The following SLC44A1 variants were observed in gnomAD, a reference collection of about 807,000 sequenced individuals.
SLC44A1 encodes choline transporter-like protein 1.
A neutral mutation model predicts 79.3 loss-of-function variants in SLC44A1; 26 were observed. The ratio of observed to expected loss-of-function variants is 0.33; its 90% CI spans 0.24 to 0.46. SLC44A1 has a LOEUF of 0.46. SLC44A1 is among the 20% of genes least tolerant of loss of function. The pLI is 1.00. For missense variants in SLC44A1, 688 were observed against 798.1 expected (o/e 0.86, Z 1.66); for synonymous variants, 263 against 286.2 (o/e 0.92, Z 0.82).
chr9:105,310,674 T>C (rs1446645567), intron 3 of SLC44A1, among the ~76,000 whole-genome samples: 1 of 152,224 alleles, frequency 6.6e-6, no homozygotes, highest in African/African-American at 2.4e-5. Context: ...ATAGGTCTAT[T>C]ATAAAGCATT....
At chr9:105,412,823 C>T (rs1254340883) in intron 15 of SLC44A1, among the ~76,000 whole-genome samples, 1 of 152,058 alleles carries the variant, frequency 6.6e-6, no homozygotes, top group Non-Finnish European at 1.5e-5. Context: ...AGGCTGATCT[C>T]GAACTCCTGC....
intron 15 of SLC44A1, among the ~76,000 whole-genome samples, chr9:105,404,957 A>G (rs1019616235): frequency 6.6e-6 from 1 of 152,188 alleles, no homozygotes. Flanking sequence ...AGTACCTACT[A>G]CGTGTTAGAA....
At chr9:105,293,737 T>G (rs1315637818) in intron 1 of SLC44A1, among the ~76,000 whole-genome samples, 1 of 152,218 alleles carries the variant, frequency 6.6e-6, no homozygotes. Context: ...GCAAATACAT[T>G]TATTCAACAA....
chr9:105,255,861 A>T (rs1408386267), intron 1 of SLC44A1, among the ~76,000 whole-genome samples: 2 of 152,234 alleles, frequency 1.3e-5, no homozygotes, highest in African/African-American at 4.8e-5. Context: ...AACTTGCCTC[A>T]GATACTTTTA....
At chr9:105,421,876 C>T (rs1029234400) in intron 15 of SLC44A1, among the ~76,000 whole-genome samples, 2 of 152,162 alleles carry the variant, frequency 1.3e-5, no homozygotes, top group Admixed American at 6.5e-5. Context: ...CGTGAGCCAC[C>T]GCGCCCAGCC....
In SLC44A1 at chr9:105,389,711, G is replaced by C; in HGVS notation, c.*655G>C. 5 of 1,270,804 alleles carry C rather than the reference G, an allele frequency of 3.9e-6. No individual in the cohort carries two copies. The highest frequency in any genetic ancestry group is 3.0e-4 in the Middle Eastern group (1 of 3,356). The allele number at this position is 1,270,804 out of a possible 1,614,324, so 78.7% of individuals were successfully genotyped here. On this transcript the variant is annotated 3_prime_UTR_variant, in exon 16 of 16. Coordinates refer to ENST00000374720, the MANE Select transcript of SLC44A1 (RefSeq NM_080546.5). ...TCAGGTATTTGTAGTTTACCCTAACGCTTCTTTAAAAGAAAGTAGGTAAAA... is the reference window on the plus strand; with the variant it reads ...TCAGGTATTTGTAGTTTACCCTAACCCTTCTTTAAAAGAAAGTAGGTAAAA...
intron 12 of SLC44A1, among the ~76,000 whole-genome samples, chr9:105,371,721 A>AC (rs71364087): frequency 2.1e-4 from 4 of 18,922 alleles, no homozygotes; most frequent in South Asian, 1.6e-3. Context: ...TCCATCTCAC[A>AC]AAAAAAAAAA....
At chr9:105,246,392 G>GT (rs1829450422) in intron 1 of SLC44A1, among the ~76,000 whole-genome samples, 1 of 135,850 alleles carries the variant, frequency 7.4e-6, no homozygotes, top group Non-Finnish European at 1.6e-5. Context: ...TTTTTTTTGA[G>GT]TGTTTGCTTA....
chr9:105,430,218 C>A (rs1490210879), intron 15 of SLC44A1, among the ~76,000 whole-genome samples: 1 of 152,184 alleles, frequency 6.6e-6, no homozygotes, highest in Non-Finnish European at 1.5e-5. Context: ...TGATGTGGAG[C>A]TCAATCATCT....
chr9:105,325,963 A>G (rs896396520), intron 3 of SLC44A1, among the ~76,000 whole-genome samples: 1 of 151,716 alleles, frequency 6.6e-6, no homozygotes, highest in Non-Finnish European at 1.5e-5. Flanking sequence ...ATTTCTGGCC[A>G]TTGGCCCATG....
intron 2 of SLC44A1, among the ~76,000 whole-genome samples, chr9:105,300,165 A>G (rs1236172434): frequency 1.3e-5 from 2 of 152,166 alleles, no homozygotes; most frequent in African/African-American, 4.8e-5. Context: ...CAGAGATGGA[A>G]ATTACTATCC....
At chr9:105,375,000 A>G (rs1828231396) in intron 13 of SLC44A1, among the ~76,000 whole-genome samples, 1 of 152,242 alleles carries the variant, frequency 6.6e-6, no homozygotes, top group Non-Finnish European at 1.5e-5. Context: ...AGGCTAGGTC[A>G]TGTGCCTATG....
At chr9:105,398,934 T>TA (rs1286154497), downstream of SLC44A1, among the ~76,000 whole-genome samples, 3 of 152,020 alleles carry the variant, frequency 2.0e-5, no homozygotes, top group African/African-American at 7.2e-5. Flanking sequence ...GCTGATAAGC[T>TA]AAGAAAAAAA....
intron 1 of SLC44A1, among the ~76,000 whole-genome samples, chr9:105,296,968 C>T (rs952193677): frequency 2.6e-5 from 4 of 152,164 alleles, no homozygotes; most frequent in African/African-American, 9.7e-5. Flanking sequence ...TATCTAAATT[C>T]ATGTAGCTAA....
intron 15 of SLC44A1, among the ~76,000 whole-genome samples, chr9:105,388,076 G>A (rs1828677307): frequency 6.6e-6 from 1 of 152,178 alleles, no homozygotes; most frequent in Non-Finnish European, 1.5e-5. Context: ...CATCTTCTAT[G>A]TGCATTGTTC....
In SLC44A1 at chr9:105,395,315, T is replaced by C; in HGVS notation, c.*6259T>C. 2.2e-6 allele frequency: 1 copy of C among 457,068 alleles called. No homozygotes were observed. 28.3% of individuals were successfully genotyped at this position (457,068 alleles called of 1,614,324 possible). ...CTCACTGCAACCTCCACCTCCCAGG[T>C]TCAAGTGATTCTCCTGCATCAGCCT... On this transcript the variant is annotated 3_prime_UTR_variant, in exon 16 of 16. Coordinates refer to ENST00000374720, the MANE Select transcript of SLC44A1 (RefSeq NM_080546.5).
chr9:105,313,424 CCA>C (rs904645139), intron 3 of SLC44A1, among the ~76,000 whole-genome samples: 6 of 152,236 alleles, frequency 3.9e-5, no homozygotes, highest in African/African-American at 1.4e-4. Context: ...GGGTCTTCAG[CCA>C]CAGAGTCTCT....
rs1828792710 is a variant in SLC44A1, at chr9:105,392,663, A to G, written c.*3607A>G. ...GCAGGCACCACATATGTGTGAGGCCACATCACTGCCCCTGAGGCTTCAACT... is the reference window on the plus strand; with the variant it reads ...GCAGGCACCACATATGTGTGAGGCCGCATCACTGCCCCTGAGGCTTCAACT... On this transcript the variant is annotated 3_prime_UTR_variant, in exon 16 of 16. Transcript: ENST00000374720. 1.0e-6 allele frequency: 1 copy of G among 985,214 alleles called. No individual in the cohort carries two copies. The highest frequency in any genetic ancestry group is 1.2e-6 in the Non-Finnish European group (1 of 829,992). The allele number at this position is 985,214 out of a possible 1,614,324, so 61.0% of individuals were successfully genotyped here.
At chr9:105,250,814 C>T (rs1194332934) in intron 1 of SLC44A1, among the ~76,000 whole-genome samples, 4 of 152,132 alleles carry the variant, frequency 2.6e-5, no homozygotes, top group Non-Finnish European at 5.9e-5. Context: ...ATGCCTGGGT[C>T]CTATTCCCAA....
Sources: allele counts gnomAD v4.1 joint callset (sites outside exome capture counted in the v4.1 genomes callset), GRCh38; gene constraint gnomAD v4.1.1; transcripts MANE v1.5; gene names NCBI Gene and HGNC (gene_info 2026-07-23, HGNC 2026-07-21).